Variants in GAS2L3 observed in about 807,000 individuals in gnomAD.
GAS2L3 encodes GAS2-like protein 3.
GAS2L3 carries 28 observed loss-of-function variants against 37.0 expected under a neutral mutation model. That is an observed-to-expected ratio of 0.76 (90% CI 0.56 to 1.04). The LOEUF is 1.04. Ranked by LOEUF, GAS2L3 falls within the 50% of genes least tolerant of loss-of-function variation. GAS2L3 has a pLI of 0.00. For synonymous variants in GAS2L3, 290 were observed against 296.6 expected (o/e 0.98, Z 0.23); for missense variants, 793 against 817.6 (o/e 0.97, Z 0.37).
intron 5 of GAS2L3, among the ~76,000 whole-genome samples, chr12:100,602,071 C>T (rs17030333): frequency 0.076 from 11,620 of 152,118 alleles, 609 homozygotes; most frequent in South Asian, 0.18. Context: ...TAACATAGTG[C>T]TTGATGCATA....
At chr12:100,614,463 A>AC (rs1956163248) in intron 6 of GAS2L3, among the ~76,000 whole-genome samples, 1 of 152,184 alleles carries the variant, frequency 6.6e-6, no homozygotes, top group South Asian at 2.1e-4. Flanking sequence ...ACTCATAAAA[A>AC]AAAAAAAATT....
At chr12:100,574,403 C>T (rs11829366) in intron 1 of GAS2L3, among the ~76,000 whole-genome samples, 1 of 152,138 alleles carries the variant, frequency 6.6e-6, no homozygotes, top group Non-Finnish European at 1.5e-5. Flanking sequence ...AGCTGGAGAC[C>T]CTGCGCGATG....
intron 1 of GAS2L3, among the ~76,000 whole-genome samples, chr12:100,584,774 T>C (rs949536185): frequency 4.6e-5 from 7 of 152,084 alleles, no homozygotes; most frequent in Admixed American, 2.0e-4. Context: ...GGTTTCATCA[T>C]GTTGGCCAGG....
intron 1 of GAS2L3, among the ~76,000 whole-genome samples, chr12:100,590,944 G>T (rs1473747469): frequency 6.6e-6 from 1 of 151,172 alleles, no homozygotes. Context: ...AGAGTGGGAG[G>T]GGGGCAAGGG....
chr12:100,586,809 TA>T (rs780020970), intron 1 of GAS2L3, among the ~76,000 whole-genome samples: 8 of 151,726 alleles, frequency 5.3e-5, no homozygotes, highest in Non-Finnish European at 1.0e-4. Context: ...AAAAGATAAA[TA>T]AAATTGATAG....
Position 100,624,454 on chromosome 12 carries a change from C to G in GAS2L3, c.1649C>G (p.Pro550Arg), listed in dbSNP as rs1335966215. The change falls in exon 10 of 10, where the codon CCA becomes CGA. Residue 550 changes from proline (P) to arginine (R), a missense_variant. Physicochemically the swap from Pro to Arg is moderately radical, Grantham distance 103 (BLOSUM62 -2). Coordinates refer to ENST00000547754, the MANE Select transcript of GAS2L3 (RefSeq NM_174942.3). Reference sequence around the variant, plus strand: ...GGAGCCCCACAAGCAAAGCCAGTCCCAGCACAGAAACTTAAATCGGCCTTG... The same window carrying G: ...GGAGCCCCACAAGCAAAGCCAGTCCGAGCACAGAAACTTAAATCGGCCTTG... The part of the protein sequence containing the change: ...SDGAPQAKPV[P>R]AQKLKSALNL... 1 of 1,614,050 alleles carries G rather than the reference C, an allele frequency of 6.2e-7. No homozygotes were observed.
intron 3 of GAS2L3, among the ~76,000 whole-genome samples, chr12:100,596,640 T>C (rs11110430): frequency 0.16 from 24,501 of 152,118 alleles, 2,858 homozygotes; most frequent in East Asian, 0.48. Context: ...TGAATAGCTG[T>C]TATTAATTGA....
intron 1 of GAS2L3, chr12:100,578,902 T>A: frequency 1.2e-6 from 1 of 866,504 alleles, no homozygotes; most frequent in South Asian, 1.4e-5. Flanking sequence ...AAAGCCACAT[T>A]TACCAGCTCC....
chr12:100,621,305 G>A (rs1221106847), intron 8 of GAS2L3, among the ~76,000 whole-genome samples: 1 of 152,024 alleles, frequency 6.6e-6, no homozygotes, highest in African/African-American at 2.4e-5. Context: ...CACAGTGGCT[G>A]ATGTGTGACT....
intron 1 of GAS2L3, among the ~76,000 whole-genome samples, chr12:100,591,413 A>C (rs1302064220): frequency 2.0e-5 from 3 of 152,210 alleles, no homozygotes; most frequent in Non-Finnish European, 4.4e-5. Context: ...GTGAGTTGTC[A>C]GTCACAAATT....
In GAS2L3 at chr12:100,624,991, A is replaced by G; in HGVS notation, c.*101A>G. On this transcript the variant is annotated 3_prime_UTR_variant, in exon 10 of 10. Coordinates refer to ENST00000547754, the MANE Select transcript of GAS2L3 (RefSeq NM_174942.3). ...TGTGTCTGTCTAAATAGGTGCAGAC[A>G]CTAAGGATAGTGAGGATGGAGGCTG... The G allele has an allele frequency of 1.1e-6, 1 of 904,984 alleles. No homozygotes were observed. Among genetic ancestry groups the G allele is most frequent in the Admixed American group, 2.3e-5 (1 of 43,124 alleles). 56.1% of individuals were successfully genotyped at this position (904,984 alleles called of 1,614,324 possible).
chr12:100,597,251 C>T (rs1170883736), intron 3 of GAS2L3, among the ~76,000 whole-genome samples: 1 of 151,898 alleles, frequency 6.6e-6, no homozygotes, highest in African/African-American at 2.4e-5. Flanking sequence ...TAACATATTC[C>T]ATTGACTGTC....
chr12:100,586,488 C>T (rs568887087), intron 1 of GAS2L3, among the ~76,000 whole-genome samples: 1 of 152,246 alleles, frequency 6.6e-6, no homozygotes, highest in Admixed American at 6.5e-5. Context: ...AGCATTGGGT[C>T]AAAAACGAAA....
chr12:100,606,659 T>G (rs1228316448), intron 5 of GAS2L3, among the ~76,000 whole-genome samples: 1 of 152,106 alleles, frequency 6.6e-6, no homozygotes, highest in Non-Finnish European at 1.5e-5. Context: ...ATCTGTTGTA[T>G]GTTTTTTGAT....
At position 100,624,730 on chromosome 12, in the gene GAS2L3, C is replaced by T. The variant is rs151137574; in HGVS notation, c.1925C>T (p.Thr642Ile). 9 of 1,613,888 alleles carry T rather than the reference C, an allele frequency of 5.6e-6. No homozygotes were observed. Among genetic ancestry groups the T allele is most frequent in the Admixed American group, 1.7e-5 (1 of 59,978 alleles). The change falls in exon 10 of 10, where the codon ACT becomes ATT. Residue 642 changes from threonine to isoleucine, a missense_variant. Coordinates refer to ENST00000547754, the MANE Select transcript of GAS2L3 (RefSeq NM_174942.3). ...ACTGTCGCTAAGAGCCAGCATTCAA[C>T]TAAAGGGCCTCCCAGAAGTGGCAAA... The part of the protein sequence containing the change: ...AQTVAKSQHS[T>I]KGPPRSGKTP...
chr12:100,611,688 G>A (rs1212219256), intron 5 of GAS2L3, among the ~76,000 whole-genome samples: 1 of 152,048 alleles, frequency 6.6e-6, no homozygotes, highest in African/African-American at 2.4e-5. Context: ...TCAAGCTCCT[G>A]TGAGAATCTG....
intron 2 of GAS2L3, among the ~76,000 whole-genome samples, chr12:100,593,265 T>C (rs1051692675): frequency 6.6e-6 from 1 of 152,148 alleles, no homozygotes; most frequent in Non-Finnish European, 1.5e-5. Context: ...TGAAGATACA[T>C]AATAACTTCT....
rs145940429 is a variant in GAS2L3, at chr12:100,579,393, C to T, written c.-152+5608C>T. 6.9e-4 allele frequency: 632 copies of T among 922,624 alleles called. 9 individuals are homozygous for T. The East Asian group carries it at 0.015, about 22-fold the overall frequency. 57.2% of individuals were successfully genotyped at this position (922,624 alleles called of 1,614,324 possible). A position where few individuals can be genotyped will look rare whatever the true frequency, so the allele number is the denominator to read the frequency against. ...GCTGTAGATCCTATTGACTTCACTC[C>T]AGACCCATTTAGAAGGCATGATAGT... On this transcript the variant is annotated intron_variant, in intron 1 of 9. Coordinates refer to ENST00000547754, the MANE Select transcript of GAS2L3 (RefSeq NM_174942.3).
intron 1 of GAS2L3, among the ~76,000 whole-genome samples, chr12:100,586,831 A>G (rs1955787531): frequency 6.6e-6 from 1 of 152,228 alleles, no homozygotes; most frequent in Admixed American, 6.5e-5. Flanking sequence ...ACCATTGGCA[A>G]GCTTAATGAA....
Sources: allele counts gnomAD v4.1 joint callset (sites outside exome capture counted in the v4.1 genomes callset), GRCh38; gene constraint gnomAD v4.1.1; transcripts MANE v1.5; gene names NCBI Gene and HGNC (gene_info 2026-07-23, HGNC 2026-07-21).